The following SYNDIG1 variants were observed in gnomAD, a reference collection of about 807,000 sequenced individuals.
SYNDIG1 encodes synapse differentiation-inducing gene protein 1.
SYNDIG1 carries 9 observed loss-of-function variants against 19.4 expected under a neutral mutation model. The ratio of observed to expected loss-of-function variants is 0.46; its 90% CI spans 0.28 to 0.81. The LOEUF (loss-of-function observed/expected upper bound fraction) is 0.81. Ranked by LOEUF, SYNDIG1 falls within the 30% of genes least tolerant of loss-of-function variation. The pLI is 0.12. For missense variants in SYNDIG1, 311 were observed against 343.3 expected (o/e 0.91, Z 0.74); for synonymous variants, 141 against 145.9 (o/e 0.97, Z 0.24).
At chr20:24,537,494 C>T (rs534551312) in intron 1 of SYNDIG1, among the ~76,000 whole-genome samples, 2 of 152,294 alleles carry the variant, frequency 1.3e-5, no homozygotes, top group East Asian at 3.9e-4. Flanking sequence ...CCTCAGTGGT[C>T]AGTCCACAGC....
At chr20:24,653,135 T>C (rs1325858517) in intron 3 of SYNDIG1, among the ~76,000 whole-genome samples, 1 of 152,142 alleles carries the variant, frequency 6.6e-6, no homozygotes, top group African/African-American at 2.4e-5. Context: ...TTTATTTAAG[T>C]TATGGTAAAA....
At chr20:24,604,319 A>T (rs1198921999) in intron 3 of SYNDIG1, among the ~76,000 whole-genome samples, 1 of 152,122 alleles carries the variant, frequency 6.6e-6, no homozygotes, top group Non-Finnish European at 1.5e-5. Flanking sequence ...TTCCCAGGTT[A>T]GGCATTCTAA....
At chr20:24,494,155 G>A (rs143968019) in intron 1 of SYNDIG1, among the ~76,000 whole-genome samples, 170 of 152,216 alleles carry the variant, frequency 1.1e-3, no homozygotes, top group African/African-American at 1.8e-3. Context: ...GGCCGGGGGC[G>A]GGGCGGCGCG....
chr20:24,662,514 C>A (rs1222546130), intron 3 of SYNDIG1, among the ~76,000 whole-genome samples: 1 of 152,148 alleles, frequency 6.6e-6, no homozygotes, highest in South Asian at 2.1e-4. Flanking sequence ...TGGAGCCCAG[C>A]TGCTTCCTGC....
At chr20:24,604,454 A>T (rs1185089133) in intron 3 of SYNDIG1, among the ~76,000 whole-genome samples, 2 of 152,198 alleles carry the variant, frequency 1.3e-5, no homozygotes, top group African/African-American at 2.4e-5. Context: ...GTGATCTCTG[A>T]TCTTCCTCAC....
In SYNDIG1 at chr20:24,498,473, C is replaced by T. The variant is rs142566099; in HGVS notation, c.-79+28720C>T. 3.6e-4 allele frequency among the ~76,000 whole-genome samples: 55 copies of T among 152,298 alleles called. 1 individual carries two copies. The highest frequency in any genetic ancestry group is 1.3e-3 in the African/African-American group (52 of 41,570). The stretch of plus-strand genomic sequence containing the variant: ...GCTAGGACTTTGTCATTTTGTATAA[C>T]CAAAATTTTGTGCCTCTTGACCAAC... On this transcript the variant is annotated intron_variant, in intron 1 of 3. Transcript: ENST00000376862.
chr20:24,619,639 T>G (rs2059007327), intron 3 of SYNDIG1, among the ~76,000 whole-genome samples: 1 of 152,252 alleles, frequency 6.6e-6, no homozygotes. Context: ...GTATTTATTT[T>G]TAATGTTTAT....
intron 3 of SYNDIG1, among the ~76,000 whole-genome samples, chr20:24,652,158 G>A (rs1441222230): frequency 6.6e-6 from 1 of 152,224 alleles, no homozygotes; most frequent in Non-Finnish European, 1.5e-5. Context: ...TTTGCAGAAT[G>A]ATGCATGAGC....
At position 24,647,490 on chromosome 20, in the gene SYNDIG1, G is replaced by C. The variant is rs868024546; in HGVS notation, c.619-17856G>C. 4.8e-4 allele frequency among the ~76,000 whole-genome samples: 73 copies of C among 152,148 alleles called. No homozygotes were observed. In the Middle Eastern group the frequency reaches 0.024, roughly 50 times the overall value. ...GAGCCAAACACTTTCTTTGGGAAGGGGAATGGTGGATATCCCAAAGTGCGG... is the reference window on the plus strand; with the variant it reads ...GAGCCAAACACTTTCTTTGGGAAGGCGAATGGTGGATATCCCAAAGTGCGG... On this transcript the variant is annotated intron_variant, in intron 3 of 3. Transcript: ENST00000376862.
rs73901848 is a variant in SYNDIG1, at chr20:24,499,715, G to A, written c.-79+29962G>A. ...ACAGCCATTCTCCATGCCCTGCCCGGGTAGAGGCTGCTCACTGGTGGGAGA... is the reference window on the plus strand; with the variant it reads ...ACAGCCATTCTCCATGCCCTGCCCGAGTAGAGGCTGCTCACTGGTGGGAGA... On this transcript the variant is annotated intron_variant, in intron 1 of 3. Coordinates refer to ENST00000376862, the MANE Select transcript of SYNDIG1 (RefSeq NM_024893.3). Among the ~76,000 whole-genome samples the A allele has an allele frequency of 8.4e-3, 1,286 of 152,262 alleles. 21 individuals are homozygous for A. The highest frequency in any genetic ancestry group is 0.03 in the African/African-American group (1,229 of 41,538).
intron 3 of SYNDIG1, among the ~76,000 whole-genome samples, chr20:24,629,421 G>A (rs1241150871): frequency 6.6e-6 from 1 of 152,142 alleles, no homozygotes; most frequent in Non-Finnish European, 1.5e-5. Flanking sequence ...GCCTTTCAAA[G>A]AGGCATGGCA....
chr20:24,619,052 T>C (rs2058996525), intron 3 of SYNDIG1, among the ~76,000 whole-genome samples: 2 of 152,218 alleles, frequency 1.3e-5, no homozygotes, highest in African/African-American at 2.4e-5. Flanking sequence ...ACAGTCTCTT[T>C]TGCAGGGCAG....
chr20:24,522,495 A>T (rs998409367), intron 1 of SYNDIG1, among the ~76,000 whole-genome samples: 16 of 152,130 alleles, frequency 1.1e-4, no homozygotes, highest in Non-Finnish European at 1.8e-4. Context: ...TAGTTCACTT[A>T]CACTACTGCC....
intron 1 of SYNDIG1, among the ~76,000 whole-genome samples, chr20:24,512,548 CA>C (rs1183386768): frequency 6.6e-6 from 1 of 151,964 alleles, no homozygotes; most frequent in Non-Finnish European, 1.5e-5. Flanking sequence ...ATTGCTAGCA[CA>C]GTAGTCTGAG....
At chr20:24,570,741 C>T (rs915666479) in intron 2 of SYNDIG1, among the ~76,000 whole-genome samples, 7 of 152,198 alleles carry the variant, frequency 4.6e-5, no homozygotes, top group African/African-American at 1.7e-4. Flanking sequence ...AAAACACTGT[C>T]AGTTTCAAAC....
At chr20:24,473,636 C>A (rs993503984) in intron 1 of SYNDIG1, among the ~76,000 whole-genome samples, 1 of 152,116 alleles carries the variant, frequency 6.6e-6, no homozygotes, top group African/African-American at 2.4e-5. Flanking sequence ...GGGAGACAGG[C>A]GTGCAGAGTG....
intron 3 of SYNDIG1, among the ~76,000 whole-genome samples, chr20:24,610,484 G>A (rs994199141): frequency 1.3e-5 from 2 of 152,194 alleles, no homozygotes; most frequent in Admixed American, 1.3e-4. Context: ...CAGAATGAAT[G>A]TACTATCCCC....
At chr20:24,600,643 G>A (rs1040649095) in intron 3 of SYNDIG1, among the ~76,000 whole-genome samples, 3 of 97,722 alleles carry the variant, frequency 3.1e-5, no homozygotes, top group African/African-American at 1.2e-4. Flanking sequence ...TTTCACTCTT[G>A]TCACCTAGAC....
At chr20:24,606,648 G>A (rs571067478) in intron 3 of SYNDIG1, among the ~76,000 whole-genome samples, 4 of 152,202 alleles carry the variant, frequency 2.6e-5, no homozygotes, top group African/African-American at 4.8e-5. Flanking sequence ...AATCCTTACG[G>A]TATGGGTTTT....
Sources: gnomAD v4.1 joint callset for allele counts (sites outside exome capture counted in the v4.1 genomes callset) on GRCh38, gnomAD v4.1.1 for gene constraint, MANE v1.5 for transcripts, NCBI Gene and HGNC (gene_info 2026-07-23, HGNC 2026-07-21) for gene names.